Variants in GATAD2B observed in about 807,000 individuals in gnomAD.
GATAD2B encodes the protein transcriptional repressor p66-beta.
Under a neutral mutation model 64.3 loss-of-function variants are expected in GATAD2B, and 8 were observed. That is an observed-to-expected ratio of 0.12 (90% CI 0.07 to 0.22). GATAD2B has a LOEUF of 0.22. Among genes scored for constraint, GATAD2B ranks in the 10% least tolerant of loss-of-function variants. The pLI, the probability that GATAD2B is intolerant of heterozygous loss-of-function variation, is 1.00. For missense variants in GATAD2B, 453 were observed against 752.0 expected, an observed-to-expected ratio of 0.60 and a Z score of 4.65; for synonymous variants, 281 against 271.3, an observed-to-expected ratio of 1.04 and a Z score of -0.35.
At chr1:153,889,931 T>C (rs1677319577) in intron 1 of GATAD2B, among the ~76,000 whole-genome samples, 1 of 151,952 alleles carries the variant, frequency 6.6e-6, no homozygotes, top group Admixed American at 6.6e-5. Flanking sequence ...CTCAGCACTT[T>C]GGGAGGCCAA....
At chr1:153,851,993 A>G (rs1228255125) in intron 1 of GATAD2B, 1 of 345,680 alleles carries the variant, frequency 2.9e-6, no homozygotes, top group East Asian at 5.2e-5. Context: ...GGGCCTTTTT[A>G]CTAGCTACTT....
rs1674945458 is a variant in GATAD2B, at chr1:153,828,094, G to A, written c.254C>T (p.Pro85Leu). 6.2e-7 allele frequency: 1 copy of A among 1,613,976 alleles called. No individual in the cohort carries two copies. The highest frequency in any genetic ancestry group is 8.5e-7 in the Non-Finnish European group (1 of 1,180,020). Reference protein sequence around the residue: ...YEEKLNGNLRPHGDNRTAGRP... With the variant: ...YEEKLNGNLRLHGDNRTAGRP... Reference sequence around the variant, plus strand: ...TCCAGCAGTCCTGTTGTCTCCATGAGGCCTGAGATTCCCGTTAAGTTTTTC... The same window carrying A: ...TCCAGCAGTCCTGTTGTCTCCATGAAGCCTGAGATTCCCGTTAAGTTTTTC... Residue 85 changes from proline (P) to leucine (L), a missense_variant, in exon 2 of 11, where the codon CCT (proline) becomes CTT (leucine). Coordinates refer to ENST00000368655, the MANE Select transcript of GATAD2B (RefSeq NM_020699.4).
chr1:153,812,248 T>C (rs1456335924), intron 8 of GATAD2B, 116 bp from the exon 9 acceptor site: 2 of 629,108 alleles, frequency 3.2e-6, no homozygotes. Context: ...CAGGCTGGTC[T>C]GGCACTCCTG....
chr1:153,860,161 T>C (rs1479734950), intron 1 of GATAD2B, among the ~76,000 whole-genome samples: 3 of 151,774 alleles, frequency 2.0e-5, no homozygotes, highest in Non-Finnish European at 1.5e-5. Context: ...GTAATCCACC[T>C]GCCTTGGCCT....
intron 1 of GATAD2B, chr1:153,914,880 C>T (rs1367976842): frequency 6.6e-6 from 1 of 152,136 alleles, no homozygotes; most frequent in Non-Finnish European, 1.5e-5. Context: ...TAAACTATGA[C>T]TGTGCCATTG....
intron 1 of GATAD2B, among the ~76,000 whole-genome samples, chr1:153,875,147 G>A (rs1676784074): frequency 6.6e-6 from 1 of 152,008 alleles, no homozygotes; most frequent in Non-Finnish European, 1.5e-5. Context: ...CAAAGTGCTG[G>A]AATTACAGGT....
intron 1 of GATAD2B, among the ~76,000 whole-genome samples, chr1:153,907,550 TGAA>T (rs1335352450): frequency 6.6e-6 from 1 of 152,132 alleles, no homozygotes; most frequent in Non-Finnish European, 1.5e-5. Flanking sequence ...TTTGGGAAGA[TGAA>T]GAAGTTCTGG....
At chr1:153,811,659 G>A (rs1674296544) in intron 10 of GATAD2B, 72 bp downstream of exon 10, 6 of 874,546 alleles carry the variant, frequency 6.9e-6, no homozygotes, top group Non-Finnish European at 1.2e-5. Flanking sequence ...TTCCCTTAAA[G>A]GGGCTGCTAC....
At chr1:153,834,160 G>A (rs1439846426) in intron 1 of GATAD2B, among the ~76,000 whole-genome samples, 4 of 151,184 alleles carry the variant, frequency 2.6e-5, no homozygotes, top group African/African-American at 4.9e-5. Context: ...CCACCACCAC[G>A]CCCAGCTAAT....
intron 1 of GATAD2B, among the ~76,000 whole-genome samples, chr1:153,862,857 T>C (rs968886989): frequency 1.3e-5 from 2 of 151,788 alleles, no homozygotes; most frequent in African/African-American, 2.4e-5. Context: ...CCCAAGTAGC[T>C]GGGATTACAG....
rs145668606 is a variant in GATAD2B at position 153,805,749 on chromosome 1, C to T, written c.*4428G>A. 28 of 152,284 alleles carry T rather than the reference C, an allele frequency of 1.8e-4. 1 individual carries two copies. The highest frequency in any genetic ancestry group is 6.7e-4 in the African/African-American group (28 of 41,556). 9.4% of individuals were successfully genotyped at this position (152,284 alleles called of 1,614,324 possible). ...CACTTCACAGATAAGAAAATTGATACTCAGAAAATTAACTCTACCAAAGAT... is the reference window on the plus strand; with the variant it reads ...CACTTCACAGATAAGAAAATTGATATTCAGAAAATTAACTCTACCAAAGAT... On this transcript the variant is annotated 3_prime_UTR_variant, in exon 11 of 11. Coordinates refer to ENST00000368655, the MANE Select transcript of GATAD2B (RefSeq NM_020699.4).
At chr1:153,810,736 A>G (rs1674265603) in intron 10 of GATAD2B, among the ~76,000 whole-genome samples, 1 of 151,690 alleles carries the variant, frequency 6.6e-6, no homozygotes, top group Non-Finnish European at 1.5e-5. Flanking sequence ...GATTACAGGC[A>G]TGACCCACTG....
intron 3 of GATAD2B, 106 bp downstream of exon 3, chr1:153,819,500 T>G (rs1674598989): frequency 2.5e-6 from 2 of 810,542 alleles, no homozygotes; most frequent in Non-Finnish European, 3.9e-6. Flanking sequence ...CAATGGGTAT[T>G]TATATCCAAA....
intron 1 of GATAD2B, among the ~76,000 whole-genome samples, chr1:153,849,371 T>G (rs1675808232): frequency 6.6e-6 from 1 of 152,224 alleles, no homozygotes; most frequent in Non-Finnish European, 1.5e-5. Flanking sequence ...AGGTCCCACT[T>G]CTTAATATTA....
chr1:153,901,824 A>AAAAAT (rs1553198692), intron 1 of GATAD2B, among the ~76,000 whole-genome samples: 1 of 73,072 alleles, frequency 1.4e-5, no homozygotes, highest in Non-Finnish European at 3.1e-5. Flanking sequence ...ACTCTTGCTA[A>AAAAAT]AAATAAATAA....
chr1:153,899,726 T>C (rs890132052), intron 1 of GATAD2B, among the ~76,000 whole-genome samples: 2 of 152,162 alleles, frequency 1.3e-5, no homozygotes, highest in Non-Finnish European at 2.9e-5. Context: ...CAGACAGTTC[T>C]CATTGCTGGC....
intron 1 of GATAD2B, among the ~76,000 whole-genome samples, chr1:153,835,698 A>C (rs1341311659): frequency 6.6e-6 from 1 of 152,144 alleles, no homozygotes; most frequent in Non-Finnish European, 1.5e-5. Flanking sequence ...ACTACAGCAT[A>C]ATGTAAACAT....
Position 153,876,227 on chromosome 1 carries a change from CAAAAAAAAAAAAAAAAAAA to C in GATAD2B, c.-2+46487_-2+46505del, listed in dbSNP as rs71093296. 4.7e-4 allele frequency among the ~76,000 whole-genome samples: 23 copies of C among 48,430 alleles called. No homozygotes were observed. The East Asian group carries it at 8.3e-3, about 17-fold the overall frequency. 31.8% of individuals were successfully genotyped at this position (48,430 alleles called of 152,430 possible). A position where few individuals can be genotyped will look rare whatever the true frequency, so the allele number is the denominator to read the frequency against. On this transcript the variant is annotated intron_variant, in intron 1 of 10. Coordinates refer to ENST00000368655, the MANE Select transcript of GATAD2B (RefSeq NM_020699.4). ...TGGGCAACACAGTGAGACTTCGTCTCAAAAAAAAAAAAAAAAAAAAAAAAAAAAAAAAAGATTTCACAGT... is the reference window on the plus strand; with the variant it reads ...TGGGCAACACAGTGAGACTTCGTCTCAAAAAAAAAAAAAAGATTTCACAGT...
chr1:153,889,611 A>C (rs953592089), intron 1 of GATAD2B: 1 of 327,026 alleles, frequency 3.1e-6, no homozygotes, highest in Non-Finnish European at 4.4e-6. Context: ...TGGAGACAAC[A>C]TAAAAGGAAA....
Sources: allele counts gnomAD v4.1 joint callset (sites outside exome capture counted in the v4.1 genomes callset), GRCh38; gene constraint gnomAD v4.1.1; transcripts MANE v1.5; gene names NCBI Gene and HGNC (gene_info 2026-07-23, HGNC 2026-07-21).